Variants in ABI1 observed in about 807,000 individuals in gnomAD.
ABI1 encodes the protein abl interactor 1.
A neutral mutation model predicts 54.6 loss-of-function variants in ABI1; 14 were observed. The ratio of observed to expected loss-of-function variants is 0.26; its 90% CI spans 0.17 to 0.40. The LOEUF (loss-of-function observed/expected upper bound fraction) is 0.40. Among genes scored for constraint, ABI1 ranks in the 10% least tolerant of loss-of-function variants. ABI1 has a pLI of 1.00. For synonymous variants in ABI1, 194 were observed against 209.3 expected, an observed-to-expected ratio of 0.93 and a Z score of 0.63; for missense variants, 443 against 598.3, an observed-to-expected ratio of 0.74 and a Z score of 2.71.
intron 6 of ABI1, among the ~76,000 whole-genome samples, chr10:26,767,687 T>C (rs1840126717): frequency 6.6e-6 from 1 of 152,178 alleles, no homozygotes; most frequent in Admixed American, 6.5e-5. Flanking sequence ...TTCTGAATGC[T>C]TGTTATGCTC....
chr10:26,842,858 A>G (rs1311829881), intron 1 of ABI1, among the ~76,000 whole-genome samples: 9 of 152,128 alleles, frequency 5.9e-5, no homozygotes, highest in Non-Finnish European at 1.0e-4. Context: ...ATCCTGGCCA[A>G]CATGGTGAAA....
chr10:26,760,874 G>A (rs1253976999), intron 7 of ABI1, among the ~76,000 whole-genome samples: 2 of 93,482 alleles, frequency 2.1e-5, no homozygotes, highest in East Asian at 3.4e-4. Context: ...GAGTGACGGA[G>A]AAAGACTCCA....
In ABI1 at chr10:26,765,368, A is replaced by T. The variant is rs561517156; in HGVS notation, c.720-50T>A. The T allele has an allele frequency of 9.7e-5, 129 of 1,327,152 alleles. 1 individual carries two copies. Among genetic ancestry groups the T allele is most frequent in the African/African-American group, 6.0e-4 (40 of 66,770 alleles). 82.2% of individuals were successfully genotyped at this position (1,327,152 alleles called of 1,614,324 possible). ...AAAAACCAATTCTAGAGACATATTT[A>T]AAAAAAAACTGTAATCACCCAAGGC... On this transcript the variant is annotated intron_variant, in intron 6 of 10. Transcript: ENST00000376140.
At chr10:26,760,608 G>A (rs1297771010) in intron 7 of ABI1, among the ~76,000 whole-genome samples, 1 of 152,096 alleles carries the variant, frequency 6.6e-6, no homozygotes, top group Non-Finnish European at 1.5e-5. Flanking sequence ...AGCCTTTAAG[G>A]GCCAGGTGCA....
chr10:26,750,113 C>G (rs1375514610), intron 10 of ABI1, among the ~76,000 whole-genome samples: 1 of 152,192 alleles, frequency 6.6e-6, no homozygotes, highest in East Asian at 1.9e-4. Context: ...TTATCATCCT[C>G]GTAAGTAACA....
chr10:26,785,539 T>A (rs778607499), intron 2 of ABI1, among the ~76,000 whole-genome samples: 12 of 152,096 alleles, frequency 7.9e-5, no homozygotes, highest in Non-Finnish European at 1.5e-4. Flanking sequence ...CTGGCCAACA[T>A]GGTGAAATTC....
At chr10:26,809,417 A>G (rs1011477451) in intron 2 of ABI1, among the ~76,000 whole-genome samples, 4 of 151,572 alleles carry the variant, frequency 2.6e-5, no homozygotes, top group Non-Finnish European at 4.4e-5. Flanking sequence ...AAACCAGCCA[A>G]GCACGGTGGC....
intron 6 of ABI1, among the ~76,000 whole-genome samples, chr10:26,765,712 G>A (rs1839870582): frequency 6.6e-6 from 1 of 151,670 alleles, no homozygotes; most frequent in East Asian, 1.9e-4. Context: ...GAAAGTGGTA[G>A]GCAATGGGAG....
intron 2 of ABI1, among the ~76,000 whole-genome samples, chr10:26,800,319 A>G (rs1293006975): frequency 6.6e-6 from 1 of 152,200 alleles, no homozygotes; most frequent in Non-Finnish European, 1.5e-5. Flanking sequence ...CTGGAGGCAG[A>G]GGTTGCAGTG....
At chr10:26,794,322 G>T (rs1346045631) in intron 2 of ABI1, among the ~76,000 whole-genome samples, 1 of 151,954 alleles carries the variant, frequency 6.6e-6, no homozygotes, top group Admixed American at 6.6e-5. Flanking sequence ...CAGGAGGCAG[G>T]AGAATTGCTT....
chr10:26,828,383 A>G (rs1259815658), intron 1 of ABI1, among the ~76,000 whole-genome samples: 2 of 152,248 alleles, frequency 1.3e-5, no homozygotes, highest in African/African-American at 4.8e-5. Flanking sequence ...AGAGACATGC[A>G]AAGTAAGCAC....
In ABI1 at chr10:26,776,293, T is replaced by C. The variant is rs140900234; in HGVS notation, c.462+772A>G. On this transcript the variant is annotated intron_variant, in intron 3 of 10. Coordinates refer to ENST00000376140, the MANE Select transcript of ABI1 (RefSeq NM_001012750.3). ...AACAGCACCAGTCAGATCAATCAGC[T>C]AGGACAAGCTTCAAGATTCTAGCTG... Among the ~76,000 whole-genome samples, 533 of 152,264 alleles carry C rather than the reference T, an allele frequency of 3.5e-3. 3 individuals carry two copies. Among genetic ancestry groups the C allele is most frequent in the Non-Finnish European group, 3.1e-3 (209 of 68,018 alleles).
At chr10:26,793,656 C>A (rs1240458623) in intron 2 of ABI1, among the ~76,000 whole-genome samples, 1 of 152,148 alleles carries the variant, frequency 6.6e-6, no homozygotes, top group Non-Finnish European at 1.5e-5. Context: ...TACATACCCA[C>A]CTCAAAAAGG....
intron 2 of ABI1, among the ~76,000 whole-genome samples, chr10:26,809,104 T>C (rs1376315618): frequency 1.3e-5 from 2 of 151,918 alleles, no homozygotes; most frequent in Non-Finnish European, 2.9e-5. Context: ...ACCTCGTCTC[T>C]ACCAAAAATA....
chr10:26,831,110 T>C (rs919358538), intron 1 of ABI1, among the ~76,000 whole-genome samples: 2 of 152,142 alleles, frequency 1.3e-5, no homozygotes, highest in Non-Finnish European at 2.9e-5. Context: ...TTCTACCATT[T>C]TGTTTCCATG....
intron 10 of ABI1, among the ~76,000 whole-genome samples, chr10:26,749,288 T>G (rs919849105): frequency 2.0e-5 from 3 of 152,214 alleles, no homozygotes; most frequent in Non-Finnish European, 4.4e-5. Flanking sequence ...TAGAGAACTT[T>G]GCAATTCTGT....
chr10:26,755,304 T>C (rs1340932461), intron 9 of ABI1, among the ~76,000 whole-genome samples: 1 of 152,208 alleles, frequency 6.6e-6, no homozygotes, highest in Admixed American at 6.5e-5. Context: ...TTTATTAGAA[T>C]TAAAAATGTC....
chr10:26,856,431 C>A (rs2050816481), intron 1 of ABI1, among the ~76,000 whole-genome samples: 1 of 54,658 alleles, frequency 1.8e-5, no homozygotes, highest in Non-Finnish European at 3.1e-5. Context: ...CCATCTGTTA[C>A]TCAAAAAAAA....
intron 7 of ABI1, among the ~76,000 whole-genome samples, chr10:26,762,733 C>T (rs749841461): frequency 7.9e-5 from 12 of 152,156 alleles, no homozygotes; most frequent in Non-Finnish European, 1.0e-4. Context: ...ATGAATAGAG[C>T]TCTGACCTCA....
Sources: gnomAD v4.1 joint callset for allele counts (sites outside exome capture counted in the v4.1 genomes callset) on GRCh38, gnomAD v4.1.1 for gene constraint, MANE v1.5 for transcripts, NCBI Gene and HGNC (gene_info 2026-07-23, HGNC 2026-07-21) for gene names.